FHIT: variants seen among roughly 807,000 people sequenced by gnomAD.
FHIT encodes the protein bis(5'-adenosyl)-triphosphatase.
A neutral mutation model predicts 17.9 loss-of-function variants in FHIT; 19 were observed. The ratio of observed to expected loss-of-function variants is 1.06; its 90% CI spans 0.74 to 1.56. The LOEUF is 1.56. Among genes scored for constraint, FHIT ranks in the 40% most tolerant of loss-of-function variants. FHIT has a pLI of 0.00. For synonymous variants in FHIT, 81 were observed against 69.7 expected, an observed-to-expected ratio of 1.16 and a Z score of -0.81; for missense variants, 248 against 189.2, an observed-to-expected ratio of 1.31 and a Z score of -1.82.
At chr3:59,854,588 T>C (rs1230400878) in intron 8 of FHIT, among the ~76,000 whole-genome samples, 1 of 152,198 alleles carries the variant, frequency 6.6e-6, no homozygotes, top group Non-Finnish European at 1.5e-5. Flanking sequence ...CCAAGCACAG[T>C]GCAGGGCAGA....
chr3:61,125,439 A>G lies in FHIT; in HGVS notation c.-164+75178T>C, dbSNP rs561567590. 2.6e-5 allele frequency among the ~76,000 whole-genome samples: 4 copies of G among 152,266 alleles called. No homozygotes were observed. In the South Asian group the frequency reaches 6.2e-4, roughly 24 times the overall value. On this transcript the variant is annotated intron_variant, in intron 2 of 9. Transcript: ENST00000492590. ...AGTTCTTTGTTTTGTTTTTAACTCA[A>G]TTTTTCTTATAAATACCTAATTGTT...
At chr3:60,153,425 G>A (rs1700554194) in intron 5 of FHIT, among the ~76,000 whole-genome samples, 1 of 149,956 alleles carries the variant, frequency 6.7e-6, no homozygotes, top group African/African-American at 2.5e-5. Flanking sequence ...ACTCAGCTGA[G>A]CCCACCTGTT....
intron 3 of FHIT, among the ~76,000 whole-genome samples, chr3:61,011,451 C>T (rs942979265): frequency 6.6e-6 from 1 of 152,034 alleles, no homozygotes; most frequent in Non-Finnish European, 1.5e-5. Flanking sequence ...TTATTGAAAT[C>T]CTCAGAACAT....
At chr3:60,643,590 T>A (rs2039781262) in intron 4 of FHIT, among the ~76,000 whole-genome samples, 1 of 152,200 alleles carries the variant, frequency 6.6e-6, no homozygotes, top group South Asian at 2.1e-4. Context: ...CCAAGTTACT[T>A]GCATTCTTAG....
intron 7 of FHIT, among the ~76,000 whole-genome samples, chr3:59,995,209 A>G (rs1391868376): frequency 6.6e-6 from 1 of 152,100 alleles, no homozygotes; most frequent in Non-Finnish European, 1.5e-5. Context: ...TTAGAAAAAA[A>G]AAACAACAGA....
chr3:61,171,594 C>A (rs2038006606), intron 2 of FHIT, among the ~76,000 whole-genome samples: 1 of 152,122 alleles, frequency 6.6e-6, no homozygotes, highest in Admixed American at 6.5e-5. Context: ...TTCATATAAG[C>A]AAAAGACACC....
intron 5 of FHIT, among the ~76,000 whole-genome samples, chr3:60,103,734 A>G (rs1704289690): frequency 6.6e-6 from 1 of 152,180 alleles, no homozygotes; most frequent in Non-Finnish European, 1.5e-5. Flanking sequence ...CTGCAATTAT[A>G]CTTTTTCCAA....
intron 1 of FHIT, among the ~76,000 whole-genome samples, chr3:61,250,544 T>TAA (rs1159843082): frequency 1.3e-5 from 2 of 152,170 alleles, no homozygotes; most frequent in African/African-American, 2.4e-5. Context: ...GTTTCCCAGA[T>TAA]AAGCGCTGTG....
At chr3:60,460,964 G>A (rs1398088041) in intron 5 of FHIT, among the ~76,000 whole-genome samples, 1 of 152,034 alleles carries the variant, frequency 6.6e-6, no homozygotes, top group Non-Finnish European at 1.5e-5. Context: ...TCTATTTAAA[G>A]GAAATATATT....
chr3:59,966,391 A>G (rs577858985), intron 7 of FHIT, among the ~76,000 whole-genome samples: 1 of 152,310 alleles, frequency 6.6e-6, no homozygotes, highest in Non-Finnish European at 1.5e-5. Context: ...CTCTTTATCA[A>G]AAGAACTAAC....
At chr3:60,843,689 A>T (rs375707688) in intron 3 of FHIT, among the ~76,000 whole-genome samples, 1 of 151,704 alleles carries the variant, frequency 6.6e-6, no homozygotes, top group Admixed American at 6.6e-5. Context: ...TTGCAAGCAT[A>T]GTAAAAATCC....
At chr3:60,539,338 G>A (rs1164820519) in intron 4 of FHIT, among the ~76,000 whole-genome samples, 2 of 152,214 alleles carry the variant, frequency 1.3e-5, no homozygotes, top group East Asian at 3.8e-4. Flanking sequence ...CTTTTACACT[G>A]TTGCTGGGAC....
rs199692194 is a variant in FHIT, at chr3:60,472,153, T to C, written c.103+64707A>G. Among the ~76,000 whole-genome samples, 424 of 119,056 alleles carry C rather than the reference T, an allele frequency of 3.6e-3. 11 individuals carry two copies. In the East Asian group the frequency reaches 0.06, roughly 17 times the overall value. 78.1% of individuals were successfully genotyped at this position (119,056 alleles called of 152,430 possible). A position where few individuals can be genotyped will look rare whatever the true frequency, so the allele number is the denominator to read the frequency against. ...CACTAGTAGCTCTCAGTCTACTTTTTTGTTAAAAAAAAAAAAGAGCAAAAA... is the reference window on the plus strand; with the variant it reads ...CACTAGTAGCTCTCAGTCTACTTTTCTGTTAAAAAAAAAAAAGAGCAAAAA... On this transcript the variant is annotated intron_variant, in intron 5 of 9. Transcript: ENST00000492590.
At chr3:60,151,880 G>A (rs969646209) in intron 5 of FHIT, among the ~76,000 whole-genome samples, 1 of 151,988 alleles carries the variant, frequency 6.6e-6, no homozygotes, top group Non-Finnish European at 1.5e-5. Flanking sequence ...TTTCCTCCTA[G>A]CACCTGCAAC....
chr3:59,842,552 A>C (rs983178052), intron 8 of FHIT, among the ~76,000 whole-genome samples: 4 of 152,150 alleles, frequency 2.6e-5, no homozygotes, highest in Non-Finnish European at 4.4e-5. Flanking sequence ...CATGAGTTCC[A>C]ATTTCTCCAT....
At chr3:60,286,676 C>G (rs562313794) in intron 5 of FHIT, among the ~76,000 whole-genome samples, 2 of 152,280 alleles carry the variant, frequency 1.3e-5, no homozygotes, top group African/African-American at 4.8e-5. Flanking sequence ...AAAAATCAGA[C>G]AAGAGCAACA....
chr3:60,991,425 A>G (rs2030201969), intron 3 of FHIT, among the ~76,000 whole-genome samples: 1 of 152,228 alleles, frequency 6.6e-6, no homozygotes, highest in South Asian at 2.1e-4. Context: ...GAAGGTTCAA[A>G]TCTCGGAAAT....
At chr3:60,272,813 C>A (rs1706927332) in intron 5 of FHIT, among the ~76,000 whole-genome samples, 3 of 152,204 alleles carry the variant, frequency 2.0e-5, no homozygotes, top group African/African-American at 7.2e-5. Flanking sequence ...TTTCCGTGTG[C>A]AAACGGATAC....
intron 5 of FHIT, among the ~76,000 whole-genome samples, chr3:60,351,533 G>C (rs1292634617): frequency 6.6e-6 from 1 of 152,144 alleles, no homozygotes; most frequent in Non-Finnish European, 1.5e-5. Context: ...TATGGTGAAG[G>C]AGTTATTACC....
Sources: gnomAD v4.1 joint callset for allele counts (sites outside exome capture counted in the v4.1 genomes callset) on GRCh38, gnomAD v4.1.1 for gene constraint, MANE v1.5 for transcripts, NCBI Gene and HGNC (gene_info 2026-07-23, HGNC 2026-07-21) for gene names.